Variants in TRIM55 observed in about 807,000 individuals in gnomAD.
The protein encoded by TRIM55 is tripartite motif containing 55.
TRIM55 carries 50 observed loss-of-function variants against 60.9 expected under a neutral mutation model. That is an observed-to-expected ratio of 0.82 (90% CI 0.65 to 1.04). The LOEUF (loss-of-function observed/expected upper bound fraction) is 1.04. Among genes scored for constraint, TRIM55 ranks in the 50% least tolerant of loss-of-function variants. The probability of loss-of-function intolerance (pLI) is 0.00; values close to 1 mark genes in which losing one functional copy is unlikely to be tolerated. For missense variants in TRIM55, 681 were observed against 666.9 expected (o/e 1.02, Z -0.23); for synonymous variants, 237 against 238.1 (o/e 1.00, Z 0.04).
At chr8:66,158,689 G>A (rs1033638174) in intron 9 of TRIM55, among the ~76,000 whole-genome samples, 2 of 152,244 alleles carry the variant, frequency 1.3e-5, no homozygotes, top group Non-Finnish European at 2.9e-5. Context: ...CCTGACACAA[G>A]TCATTATGAG....
At chr8:66,167,465 G>A (rs1811389428) in intron 9 of TRIM55, among the ~76,000 whole-genome samples, 1 of 152,184 alleles carries the variant, frequency 6.6e-6, no homozygotes, top group Admixed American at 6.5e-5. Flanking sequence ...TTGCCAGGCT[G>A]TGATATCAAC....
At chr8:66,155,138 G>A (rs775627402) in intron 9 of TRIM55, among the ~76,000 whole-genome samples, 1 of 152,176 alleles carries the variant, frequency 6.6e-6, no homozygotes, top group Non-Finnish European at 1.5e-5. Flanking sequence ...GCAAGAAGCT[G>A]CCAGAAAGCA....
At chr8:66,145,773 CT>C (rs1810065466) in intron 4 of TRIM55, among the ~76,000 whole-genome samples, 1 of 152,180 alleles carries the variant, frequency 6.6e-6, no homozygotes, top group Non-Finnish European at 1.5e-5. Context: ...TCCCAAAGTG[CT>C]AGGATTACAG....
chr8:66,123,924 A>G (rs1462474141), upstream of TRIM55, among the ~76,000 whole-genome samples: 2 of 151,822 alleles, frequency 1.3e-5, no homozygotes, highest in Non-Finnish European at 2.9e-5. Flanking sequence ...TAGGTTATGA[A>G]CCCCACTCAC....
At chr8:66,147,400 T>C (rs533862203) in intron 4 of TRIM55, among the ~76,000 whole-genome samples, 2 of 152,288 alleles carry the variant, frequency 1.3e-5, no homozygotes, top group South Asian at 2.1e-4. Flanking sequence ...TTCTTGCACA[T>C]TTGCAGAGTA....
chr8:66,114,210 G>C, the TRIM55 span, among the ~76,000 whole-genome samples: 1 of 151,908 alleles, frequency 6.6e-6, no homozygotes, highest in Non-Finnish European at 1.5e-5. Context: ...TCAAATGGTA[G>C]AGCGCTCGCT....
chr8:66,142,053 C>T (rs573579557), intron 4 of TRIM55, among the ~76,000 whole-genome samples: 1 of 152,330 alleles, frequency 6.6e-6, no homozygotes, highest in Admixed American at 6.5e-5. Context: ...AGCTTCCTGT[C>T]TCTCGGCTTC....
chr8:66,158,596 T>C (rs1448753482), intron 9 of TRIM55, among the ~76,000 whole-genome samples: 1 of 152,224 alleles, frequency 6.6e-6, no homozygotes, highest in African/African-American at 2.4e-5. Context: ...TCATTTATTT[T>C]CACACTGGGC....
intron 4 of TRIM55, among the ~76,000 whole-genome samples, chr8:66,140,619 A>G (rs538445636): frequency 2.6e-5 from 4 of 152,314 alleles, no homozygotes; most frequent in South Asian, 4.1e-4. Context: ...AGCCAGTTCC[A>G]TATCAGTGGG....
chr8:66,161,761 T>TG (rs1252617445), intron 9 of TRIM55, among the ~76,000 whole-genome samples: 1 of 151,316 alleles, frequency 6.6e-6, no homozygotes, highest in Non-Finnish European at 1.5e-5. Flanking sequence ...TAAGGTTTTT[T>TG]TTTTTTTTTT....
At chr8:66,149,911 C>A (rs977353893) in intron 5 of TRIM55, 33 bp downstream of exon 5, 1 of 1,524,114 alleles carries the variant, frequency 6.6e-7, no homozygotes, top group East Asian at 2.3e-5. Flanking sequence ...AGTAACAACC[C>A]AAAAGGTGGG....
intron 9 of TRIM55, among the ~76,000 whole-genome samples, chr8:66,165,376 G>A (rs1202401595): frequency 2.0e-5 from 3 of 152,030 alleles, no homozygotes; most frequent in Non-Finnish European, 4.4e-5. Flanking sequence ...TAGAGGGCCA[G>A]AAGCTGCTTT....
chr8:66,164,907 G>A (rs1811238546), intron 9 of TRIM55, among the ~76,000 whole-genome samples: 1 of 151,032 alleles, frequency 6.6e-6, no homozygotes, highest in Admixed American at 6.7e-5. Flanking sequence ...GAAAATGGAA[G>A]GGAAAGGAAA....
At chr8:66,145,470 A>T (rs1810048685) in intron 4 of TRIM55, among the ~76,000 whole-genome samples, 1 of 152,228 alleles carries the variant, frequency 6.6e-6, no homozygotes, top group Non-Finnish European at 1.5e-5. Context: ...TTTATCATTT[A>T]TGATACTTTT....
chr8:66,170,210 A>C (rs979233774), intron 9 of TRIM55, among the ~76,000 whole-genome samples: 1 of 152,174 alleles, frequency 6.6e-6, no homozygotes, highest in East Asian at 1.9e-4. Flanking sequence ...TGCAAAACAG[A>C]AGCACTGTAC....
At chr8:66,165,952 C>CT (rs35492622) in intron 9 of TRIM55, among the ~76,000 whole-genome samples, 30 of 146,734 alleles carry the variant, frequency 2.0e-4, no homozygotes, top group East Asian at 4.0e-4. Flanking sequence ...TTTTTCTGGG[C>CT]TTTTTTTTTT....
At chr8:66,141,019 T>A (rs1809780858) in intron 4 of TRIM55, among the ~76,000 whole-genome samples, 1 of 152,130 alleles carries the variant, frequency 6.6e-6, no homozygotes, top group Admixed American at 6.5e-5. Context: ...CCAGAGCCCT[T>A]TGGTGGCTGT....
Position 66,149,898 on chromosome 8 carries a change from C to G in TRIM55, c.837+20C>G. The stretch of plus-strand genomic sequence containing the variant: ...CTGCAGGTAAGTCTCTTTTTGGCAC[C>G]AAAGTAACAACCCAAAAGGTGGGTG... On this transcript the variant is annotated intron_variant, in intron 5 of 9. Coordinates refer to ENST00000315962, the MANE Select transcript of TRIM55 (RefSeq NM_184085.2). 1 of 1,581,614 alleles carries G rather than the reference C, an allele frequency of 6.3e-7. No homozygotes were observed. Among genetic ancestry groups the G allele is most frequent in the South Asian group, 1.1e-5 (1 of 90,230 alleles).
chr8:66,150,576 A>G, intron 7 of TRIM55, 110 bp downstream of exon 7: 1 of 1,241,038 alleles, frequency 8.1e-7, no homozygotes, highest in South Asian at 1.4e-5. Context: ...ATCAATGTCG[A>G]CAACTTTACA....
Sources: gnomAD v4.1 joint callset for allele counts (sites outside exome capture counted in the v4.1 genomes callset) on GRCh38, gnomAD v4.1.1 for gene constraint, MANE v1.5 for transcripts, NCBI Gene and HGNC (gene_info 2026-07-23, HGNC 2026-07-21) for gene names.